IFT70A: variants seen among roughly 807,000 people sequenced by gnomAD.
IFT70A encodes the protein intraflagellar transport protein 70A.
the IFT70A span, chr2:177,616,409 G>T: frequency 4.4e-6 from 1 of 225,600 alleles, no homozygotes; most frequent in Non-Finnish European, 8.5e-6. Flanking sequence ...AAGCTGAAAC[G>T]TCAACTCTAT....
chr2:177,615,514 A>C, the IFT70A span: 1 of 152,324 alleles, frequency 6.6e-6, no homozygotes, highest in Non-Finnish European at 1.5e-5. Flanking sequence ...TTCCAGGTAA[A>C]AAGGCAAAAA....
the IFT70A span, chr2:177,618,730 A>AACC: frequency 2.8e-5 from 42 of 1,517,438 alleles, no homozygotes; most frequent in African/African-American, 2.8e-5. Flanking sequence ...GCGTGCGGTT[A>AACC]CCACGGCAAC....
chr2:177,617,302 A>C, the IFT70A span: 9 of 1,584,682 alleles, frequency 5.7e-6, no homozygotes, highest in Admixed American at 1.7e-5. Context: ...CATGAACAGA[A>C]CATGAGCCAC....
the IFT70A span, chr2:177,615,023 T>C: frequency 6.6e-6 from 1 of 152,362 alleles, no homozygotes; most frequent in South Asian, 2.1e-4. Context: ...GCATCTCTTA[T>C]TTCCATTCTG....
the IFT70A span, chr2:177,617,047 G>A: frequency 2.7e-5 from 44 of 1,613,478 alleles, no homozygotes; most frequent in African/African-American, 4.0e-5. Flanking sequence ...ACAATAAAGA[G>A]TTCCTATCAC....
chr2:177,618,632 C>A, the IFT70A span: 2 of 1,609,526 alleles, frequency 1.2e-6, no homozygotes, highest in Non-Finnish European at 1.7e-6. Context: ...TAGCGGGCAT[C>A]GCGGATGAGC....
At chr2:177,613,897 C>T in the IFT70A span, 1 of 152,170 alleles carries the variant, frequency 6.6e-6, no homozygotes, top group Non-Finnish European at 1.5e-5. Context: ...TATATGTTCA[C>T]ATGATATTAA....
At chr2:177,617,959 G>C in the IFT70A span, 2 of 1,614,190 alleles carry the variant, frequency 1.2e-6, no homozygotes, top group African/African-American at 2.7e-5. Context: ...CACCAGAGCA[G>C]TCTGATGGAG....
At chr2:177,614,684 T>C in the IFT70A span, 1 of 152,138 alleles carries the variant, frequency 6.6e-6, no homozygotes, top group Non-Finnish European at 1.5e-5. Flanking sequence ...CTTCCAGCTA[T>C]CAGAGAAAAA....
the IFT70A span, chr2:177,617,815 A>G: frequency 7.4e-6 from 12 of 1,614,062 alleles, no homozygotes; most frequent in South Asian, 1.3e-4. Flanking sequence ...ATCCATGTTC[A>G]TTAGTGCCTG....
At chr2:177,618,715 G>C in the IFT70A span, 13 of 1,534,994 alleles carry the variant, frequency 8.5e-6, no homozygotes, top group South Asian at 1.3e-4. Flanking sequence ...CACCACGGCT[G>C]TTATGCGTGC....
At chr2:177,616,458 A>G in the IFT70A span, 5 of 335,720 alleles carry the variant, frequency 1.5e-5, no homozygotes, top group South Asian at 1.1e-4. Flanking sequence ...TACTCTAGCA[A>G]TTGTTGCTTG....
the IFT70A span, chr2:177,616,957 G>A: frequency 6.2e-6 from 10 of 1,608,736 alleles, no homozygotes; most frequent in South Asian, 1.1e-4. Flanking sequence ...ATAATACCAG[G>A]TATCTGTTCC....
chr2:177,614,902 T>C, the IFT70A span: 1 of 152,234 alleles, frequency 6.6e-6, no homozygotes, highest in South Asian at 2.1e-4. Flanking sequence ...TCCTATTCTA[T>C]GTGGCTTTGA....
chr2:177,616,768 G>GT, the IFT70A span: 1 of 1,580,140 alleles, frequency 6.3e-7, no homozygotes, highest in Non-Finnish European at 8.6e-7. Context: ...ATCTGTGACT[G>GT]TATTCTTCCC....
chr2:177,616,384 C>T, the IFT70A span: 1 of 201,010 alleles, frequency 5.0e-6, no homozygotes, highest in Non-Finnish European at 9.9e-6. Context: ...CATGACATAC[C>T]CTTTTGACAG....
At chr2:177,618,701 T>G in the IFT70A span, 2 of 1,568,598 alleles carry the variant, frequency 1.3e-6, no homozygotes, top group Admixed American at 3.6e-5. Flanking sequence ...AGACCAGCCA[T>G]AACCACCACG....
chr2:177,616,666 A>G, the IFT70A span: 549 of 1,473,892 alleles, frequency 3.7e-4, 3 homozygotes, highest in African/African-American at 7.2e-3. Context: ...TGTGGTACGT[A>G]AGAAAGCCAT....
At chr2:177,614,221 T>C in the IFT70A span, 9 of 152,156 alleles carry the variant, frequency 5.9e-5, no homozygotes, top group Admixed American at 5.2e-4. Context: ...CTATGGCTAG[T>C]AAATTAATTA....
Sources: gnomAD v4.1 joint callset for allele counts on GRCh38, gnomAD v4.1.1 for gene constraint, MANE v1.5 for transcripts, NCBI Gene and HGNC (gene_info 2026-07-23, HGNC 2026-07-21) for gene names.